Variants in BMPER observed in about 807,000 individuals in gnomAD.
BMPER encodes the protein BMP binding endothelial regulator, also known as BMP-binding endothelial regulator protein.
Under a neutral mutation model 87.3 loss-of-function variants are expected in BMPER, and 45 were observed. That is an observed-to-expected ratio of 0.52 (90% CI 0.41 to 0.66). The LOEUF (loss-of-function observed/expected upper bound fraction) is 0.66. Ranked by LOEUF, BMPER falls within the 30% of genes least tolerant of loss-of-function variation. The probability of loss-of-function intolerance (pLI) is 0.00; values close to 1 mark genes in which losing one functional copy is unlikely to be tolerated. For synonymous variants in BMPER, 326 were observed against 316.2 expected (o/e 1.03, Z -0.33); for missense variants, 784 against 867.5 (o/e 0.90, Z 1.21).
chr7:33,905,459 CCCCCCG>C (rs1186856792), upstream of BMPER: 1 of 542,586 alleles, frequency 1.8e-6, no homozygotes, highest in Non-Finnish European at 3.2e-6. Flanking sequence ...TCCCTCACAC[CCCCCCG>C]CCCCCCAGCT....
chr7:34,147,750 G>A (rs1425388564), intron 14 of BMPER, among the ~76,000 whole-genome samples: 4 of 152,146 alleles, frequency 2.6e-5, no homozygotes, highest in East Asian at 1.9e-4. Context: ...GATTATAGAC[G>A]TTAGCCACTG....
chr7:34,009,541 T>C (rs1304659340), intron 6 of BMPER, among the ~76,000 whole-genome samples: 1 of 151,930 alleles, frequency 6.6e-6, no homozygotes, highest in Non-Finnish European at 1.5e-5. Flanking sequence ...TGTTGGGGAA[T>C]ATCATTACTA....
At chr7:33,941,794 C>G (rs1784773920) in intron 3 of BMPER, among the ~76,000 whole-genome samples, 1 of 152,182 alleles carries the variant, frequency 6.6e-6, no homozygotes, top group Non-Finnish European at 1.5e-5. Context: ...TGGCTCAGTT[C>G]CTTACAAGGT....
intron 6 of BMPER, among the ~76,000 whole-genome samples, chr7:34,007,647 G>T (rs930287290): frequency 1.3e-5 from 2 of 151,804 alleles, no homozygotes; most frequent in Admixed American, 1.3e-4. Context: ...TTCTTAAATG[G>T]CTGCATGTTA....
intron 11 of BMPER, among the ~76,000 whole-genome samples, chr7:34,074,941 C>T (rs1172294430): frequency 6.6e-6 from 1 of 152,036 alleles, no homozygotes; most frequent in East Asian, 1.9e-4. Context: ...TTCCCCCTTC[C>T]TTATGCTTTT....
intron 6 of BMPER, among the ~76,000 whole-genome samples, chr7:33,989,795 A>T (rs1786149434): frequency 6.6e-6 from 1 of 152,142 alleles, no homozygotes; most frequent in African/African-American, 2.4e-5. Context: ...TTTTTGTATA[A>T]GGTGTAAGGA....
intron 2 of BMPER, among the ~76,000 whole-genome samples, chr7:33,919,056 G>C (rs966044157): frequency 6.6e-6 from 1 of 152,178 alleles, no homozygotes; most frequent in Non-Finnish European, 1.5e-5. Context: ...GGGTGCACGT[G>C]TGTGGGGGGG....
At chr7:34,107,094 CCTTT>C (rs1323833983) in intron 13 of BMPER, among the ~76,000 whole-genome samples, 3 of 152,140 alleles carry the variant, frequency 2.0e-5, no homozygotes, top group Non-Finnish European at 4.4e-5. Context: ...CTGTTGCTGT[CCTTT>C]CTTTGGCTTA....
intron 2 of BMPER, among the ~76,000 whole-genome samples, chr7:33,929,125 G>T (rs183545960): frequency 9.7e-4 from 148 of 152,294 alleles, no homozygotes; most frequent in Non-Finnish European, 1.6e-3. Flanking sequence ...AGTTTGCACT[G>T]TGAGCTGGGC....
chr7:33,950,124 T>G (rs1784985038), intron 3 of BMPER, among the ~76,000 whole-genome samples: 1 of 152,222 alleles, frequency 6.6e-6, no homozygotes, highest in Non-Finnish European at 1.5e-5. Flanking sequence ...TGGTTGCCTT[T>G]AAGTTAGAAG....
intron 6 of BMPER, among the ~76,000 whole-genome samples, chr7:34,010,610 A>C (rs1481945633): frequency 6.6e-6 from 1 of 151,926 alleles, no homozygotes; most frequent in Non-Finnish European, 1.5e-5. Flanking sequence ...TTTTTAAATC[A>C]GTGCATGATT....
At chr7:34,018,114 A>C (rs1428719422) in intron 6 of BMPER, among the ~76,000 whole-genome samples, 2 of 151,888 alleles carry the variant, frequency 1.3e-5, no homozygotes, top group African/African-American at 2.4e-5. Flanking sequence ...AGCTGCATTG[A>C]TTGAGTTTGA....
intron 13 of BMPER, among the ~76,000 whole-genome samples, chr7:34,124,710 T>TG (rs1790354880): frequency 6.6e-6 from 1 of 152,174 alleles, no homozygotes; most frequent in Non-Finnish European, 1.5e-5. Flanking sequence ...TAGTTAATAG[T>TG]GGTAATGAAA....
At chr7:34,124,592 A>C (rs1790351568) in intron 13 of BMPER, among the ~76,000 whole-genome samples, 1 of 152,148 alleles carries the variant, frequency 6.6e-6, no homozygotes, top group African/African-American at 2.4e-5. Flanking sequence ...ATTACAGGCT[A>C]TCATGTCATT....
intron 2 of BMPER, among the ~76,000 whole-genome samples, chr7:33,929,137 G>T (rs1349996425): frequency 6.6e-6 from 1 of 152,146 alleles, no homozygotes; most frequent in African/African-American, 2.4e-5. Flanking sequence ...GAGCTGGGCC[G>T]GAGGAGGCGT....
intron 14 of BMPER, among the ~76,000 whole-genome samples, chr7:34,147,059 T>C (rs1791046474): frequency 1.3e-5 from 2 of 152,224 alleles, no homozygotes. Context: ...ATACATTTTA[T>C]ACATGGAAAA....
At chr7:33,999,463 T>A (rs1786518723) in intron 6 of BMPER, among the ~76,000 whole-genome samples, 1 of 152,266 alleles carries the variant, frequency 6.6e-6, no homozygotes, top group Admixed American at 6.5e-5. Flanking sequence ...TATGTTCAAA[T>A]TTTGATTAAT....
intron 13 of BMPER, 118 bp from the exon 14 acceptor site, chr7:34,143,112 C>T (rs1347108042): frequency 1.3e-6 from 2 of 1,484,618 alleles, no homozygotes; most frequent in East Asian, 4.6e-5. Flanking sequence ...CAGTCTAAAA[C>T]AGCAAATTTT....
At chr7:34,030,130 C>T (rs1787482118) in intron 6 of BMPER, among the ~76,000 whole-genome samples, 1 of 151,916 alleles carries the variant, frequency 6.6e-6, no homozygotes, top group Non-Finnish European at 1.5e-5. Context: ...AATTTGAAGA[C>T]CATATTATTT....
Sources: gnomAD v4.1 joint callset for allele counts (sites outside exome capture counted in the v4.1 genomes callset) on GRCh38, gnomAD v4.1.1 for gene constraint, MANE v1.5 for transcripts, NCBI Gene and HGNC (gene_info 2026-07-23, HGNC 2026-07-21) for gene names.